Variants in PRDM16 observed in about 807,000 individuals in gnomAD.
PRDM16 encodes the protein histone-lysine N-methyltransferase PRDM16.
A neutral mutation model predicts 110.6 loss-of-function variants in PRDM16; 23 were observed. The ratio of observed to expected loss-of-function variants is 0.21; its 90% CI spans 0.15 to 0.29. The LOEUF is 0.29. PRDM16 is among the 10% of genes least tolerant of loss of function. PRDM16 has a pLI of 1.00. For synonymous variants in PRDM16, 799 were observed against 781.8 expected (o/e 1.02, Z -0.37); for missense variants, 1,615 against 1,794.3 (o/e 0.90, Z 1.81).
At chr1:3,230,654 G>T (rs1160479849) in intron 2 of PRDM16, among the ~76,000 whole-genome samples, 3 of 152,360 alleles carry the variant, frequency 2.0e-5, no homozygotes, top group East Asian at 3.9e-4. Flanking sequence ...GGCTCCAGCT[G>T]AGAAGGCAGC....
intron 5 of PRDM16, among the ~76,000 whole-genome samples, chr1:3,398,255 G>A (rs563631597): frequency 9.3e-4 from 141 of 152,062 alleles, no homozygotes; most frequent in Middle Eastern, 3.4e-3. Flanking sequence ...TCCCCACCCC[G>A]CTCCAGCCCC....
At chr1:3,247,808 T>G (rs1639824359) in intron 3 of PRDM16, among the ~76,000 whole-genome samples, 1 of 152,252 alleles carries the variant, frequency 6.6e-6, no homozygotes, top group African/African-American at 2.4e-5. Flanking sequence ...AAAGTCACAT[T>G]GGCTGTGGGT....
intron 3 of PRDM16, among the ~76,000 whole-genome samples, chr1:3,262,524 CCTCT>C (rs1640184996): frequency 6.6e-6 from 1 of 152,232 alleles, no homozygotes; most frequent in African/African-American, 2.4e-5. Context: ...AGAGCCCCTC[CCTCT>C]GTGTCCCCCA....
chr1:3,321,950 A>C (rs926021918), intron 3 of PRDM16, among the ~76,000 whole-genome samples: 3 of 149,842 alleles, frequency 2.0e-5, no homozygotes, highest in Non-Finnish European at 4.4e-5. Flanking sequence ...TTTGGCATGC[A>C]TGTATGTACA....
intron 3 of PRDM16, among the ~76,000 whole-genome samples, chr1:3,351,973 A>G (rs1439578551): frequency 6.6e-6 from 1 of 151,824 alleles, no homozygotes; most frequent in African/African-American, 2.4e-5. Flanking sequence ...CAGACCCTCC[A>G]GAGACCCTAA....
In PRDM16 at chr1:3,434,117, G is replaced by C; in HGVS notation, c.*306G>C. Reference sequence around the variant, plus strand: ...AGAATCAGCCAGTGGGCAGGTGGACGCTCTGCTGAGACAGAAGCTGGTGGC... The same window carrying C: ...AGAATCAGCCAGTGGGCAGGTGGACCCTCTGCTGAGACAGAAGCTGGTGGC... On this transcript the variant is annotated 3_prime_UTR_variant, in exon 17 of 17. Transcript: ENST00000270722. 1 of 366,226 alleles carries C rather than the reference G, an allele frequency of 2.7e-6. No individual in the cohort carries two copies. Among genetic ancestry groups the C allele is most frequent in the South Asian group, 4.8e-5 (1 of 20,790 alleles). The allele number at this position is 366,226 out of a possible 1,614,324, so 22.7% of individuals were successfully genotyped here. A position where few individuals can be genotyped will look rare whatever the true frequency, so the allele number is the denominator to read the frequency against.
In PRDM16 at chr1:3,213,851, AC is replaced by A. The variant is rs1224325330; in HGVS notation, c.387+27383del. On this transcript the variant is annotated intron_variant, in intron 2 of 16. Transcript: ENST00000270722. The surrounding 1 kb of genome is among the most constrained non-coding windows in gnomAD (Gnocchi z 5.3). The stretch of plus-strand genomic sequence containing the variant: ...CGGTGCCTTCCCAGGAGGCCTTGCC[AC>A]CCCCCATTAATCCTGCAATTCCAGA... Among the ~76,000 whole-genome samples the A allele has an allele frequency of 6.6e-6, 1 of 151,824 alleles. No homozygotes were observed.
chr1:3,287,196 C>G (rs1260707951), intron 3 of PRDM16, among the ~76,000 whole-genome samples: 1 of 152,170 alleles, frequency 6.6e-6, no homozygotes, highest in Non-Finnish European at 1.5e-5. Context: ...TCCAGGATGC[C>G]CTGAGCGCCG....
intron 14 of PRDM16, among the ~76,000 whole-genome samples, chr1:3,428,987 C>T (rs562817547): frequency 1.7e-4 from 26 of 152,328 alleles, no homozygotes; most frequent in South Asian, 4.1e-4. Flanking sequence ...CCAAGGGTCA[C>T]CTAAGAGGGA....
intron 3 of PRDM16, among the ~76,000 whole-genome samples, chr1:3,253,034 G>A (rs960928163): frequency 1.3e-5 from 2 of 152,090 alleles, no homozygotes; most frequent in Non-Finnish European, 2.9e-5. Flanking sequence ...CCTGCGCGCT[G>A]CTGCTGCGCT....
intron 1 of PRDM16, among the ~76,000 whole-genome samples, chr1:3,170,631 T>C (rs555348125): frequency 6.6e-6 from 1 of 152,126 alleles, no homozygotes; most frequent in Non-Finnish European, 1.5e-5. Flanking sequence ...CCACCCCCAC[T>C]CTGGTGGGAG....
chr1:3,343,119 T>C (rs1040987972), intron 3 of PRDM16, among the ~76,000 whole-genome samples: 1 of 151,658 alleles, frequency 6.6e-6, no homozygotes, highest in Non-Finnish European at 1.5e-5. Context: ...CCAGCGGCAA[T>C]GTGTGAGTGT....
intron 2 of PRDM16, among the ~76,000 whole-genome samples, chr1:3,205,023 G>A (rs560378871): frequency 1.5e-3 from 224 of 152,234 alleles, no homozygotes; most frequent in Non-Finnish European, 2.4e-3. Context: ...GGAAACGCAG[G>A]CCCGGGTATA....
At chr1:3,281,684 G>A (rs1640714134) in intron 3 of PRDM16, among the ~76,000 whole-genome samples, 1 of 152,170 alleles carries the variant, frequency 6.6e-6, no homozygotes. Flanking sequence ...ATTCATTGAC[G>A]AGCTATGACC....
At position 3,352,279 on chromosome 1, in the gene PRDM16, CT is replaced by C. The variant is rs1363137059; in HGVS notation, c.439-32872del. Among the ~76,000 whole-genome samples the C allele has an allele frequency of 2.0e-5, 3 of 152,168 alleles. No individual in the cohort carries two copies. In the East Asian group the frequency reaches 5.8e-4, roughly 29 times the overall value. ...CCCCCACCTGCGGACTGATTCAATT[CT>C]GCCCCCATCCCAGCCGTGCCCACCC... On this transcript the variant is annotated intron_variant, in intron 3 of 16. Coordinates refer to ENST00000270722, the MANE Select transcript of PRDM16 (RefSeq NM_022114.4).
intron 14 of PRDM16, 99 bp from the exon 15 acceptor site, chr1:3,430,773 G>A (rs1638742326): frequency 7.2e-7 from 1 of 1,393,298 alleles, no homozygotes; most frequent in Admixed American, 1.7e-5. Context: ...GTGTTGTCGG[G>A]GGAGGCAGTG....
At chr1:3,172,370 C>G (rs545958496) in intron 1 of PRDM16, among the ~76,000 whole-genome samples, 2 of 152,128 alleles carry the variant, frequency 1.3e-5, no homozygotes, top group Non-Finnish European at 2.9e-5. Flanking sequence ...ACCTGCTTTC[C>G]AGAGACCCTG....
chr1:3,344,619 G>A (rs1314807395), intron 3 of PRDM16, among the ~76,000 whole-genome samples: 1 of 152,164 alleles, frequency 6.6e-6, no homozygotes, highest in African/African-American at 2.4e-5. Context: ...ATTGGATGTT[G>A]TAGATGACAT....
chr1:3,377,070 G>A (rs1240284554), intron 3 of PRDM16, among the ~76,000 whole-genome samples: 1 of 152,240 alleles, frequency 6.6e-6, no homozygotes, highest in Non-Finnish European at 1.5e-5. Context: ...TGACCATTGT[G>A]TGTGCGCACG....
Sources: allele counts gnomAD v4.1 joint callset (sites outside exome capture counted in the v4.1 genomes callset), GRCh38; gene constraint gnomAD v4.1.1; non-coding constraint Gnocchi (gnomAD v3.1); transcripts MANE v1.5; gene names NCBI Gene and HGNC (gene_info 2026-07-23, HGNC 2026-07-21).